Variants in RYR2 observed in about 807,000 individuals in gnomAD.
RYR2 encodes the protein cardiac muscle ryanodine receptor-calcium release channel.
Under a neutral mutation model 601.1 loss-of-function variants are expected in RYR2, and 227 were observed. The ratio of observed to expected loss-of-function variants is 0.38; its 90% CI spans 0.34 to 0.42. The LOEUF (loss-of-function observed/expected upper bound fraction) is 0.42, where lower values mean the gene tolerates loss of function less well. RYR2 is among the 10% of genes least tolerant of loss of function. The pLI is 1.00. For synonymous variants in RYR2, 2,223 were observed against 2,175.1 expected (o/e 1.02, Z -0.61); for missense variants, 4,646 against 6,156.5 (o/e 0.75, Z 8.21).
At chr1:237,287,996 C>T (rs998185159) in intron 2 of RYR2, among the ~76,000 whole-genome samples, 1 of 152,160 alleles carries the variant, frequency 6.6e-6, no homozygotes. Context: ...TTTTGTCCCA[C>T]GAGGTGTTCC....
At chr1:237,191,607 T>C (rs1250133487) in intron 1 of RYR2, among the ~76,000 whole-genome samples, 1 of 152,164 alleles carries the variant, frequency 6.6e-6, no homozygotes, top group African/African-American at 2.4e-5. Context: ...GTGTTCCGAT[T>C]GAGGCTGGAT....
chr1:237,828,533 G>C, intron 102 of RYR2, 88 bp downstream of exon 102: 1 of 853,594 alleles, frequency 1.2e-6, no homozygotes, highest in South Asian at 1.9e-5. Context: ...CATGAATGTG[G>C]GAAGGAGGAG....
chr1:237,129,388 A>G (rs1490582794), intron 1 of RYR2, among the ~76,000 whole-genome samples: 2 of 152,210 alleles, frequency 1.3e-5, no homozygotes, highest in African/African-American at 4.8e-5. Context: ...GATGGCTAAT[A>G]ATATGATGAA....
At chr1:237,414,172 C>A (rs1704715468) in intron 10 of RYR2, among the ~76,000 whole-genome samples, 1 of 152,106 alleles carries the variant, frequency 6.6e-6, no homozygotes, top group Non-Finnish European at 1.5e-5. Flanking sequence ...GTGAGTGTGT[C>A]TATTTATATA....
chr1:237,379,254 C>G (rs1348532136), intron 8 of RYR2, among the ~76,000 whole-genome samples: 2 of 152,130 alleles, frequency 1.3e-5, no homozygotes, highest in African/African-American at 2.4e-5. Context: ...TGTACTTCCG[C>G]TACGTATCAG....
intron 2 of RYR2, among the ~76,000 whole-genome samples, chr1:237,318,004 C>T (rs543120944): frequency 3.9e-5 from 6 of 152,110 alleles, no homozygotes; most frequent in Non-Finnish European, 8.8e-5. Context: ...CATATGCCTG[C>T]TGTATTTTTT....
intron 1 of RYR2, among the ~76,000 whole-genome samples, chr1:237,123,823 G>A (rs373339820): frequency 9.9e-5 from 15 of 151,368 alleles, no homozygotes; most frequent in Admixed American, 5.9e-4. Context: ...GCCCGCCACC[G>A]CGCCCGGCTA....
rs1433562852 is a variant in RYR2 at position 237,246,257 on chromosome 1, G to A, written c.49-24240G>A. 3.3e-5 allele frequency among the ~76,000 whole-genome samples: 5 copies of A among 151,204 alleles called. No homozygotes were observed. The South Asian group carries it at 6.3e-4, about 19-fold the overall frequency. On this transcript the variant is annotated intron_variant, in intron 1 of 104. Coordinates refer to ENST00000366574, the MANE Select transcript of RYR2 (RefSeq NM_001035.3). ...ATTACAGGTGCATGCCACCAAGCCC[G>A]GCTAATTTTTGTATTTTTAGTAGAG...
rs758415895 is a variant in RYR2 at position 237,649,998 on chromosome 1, T to C, written c.7634T>C (p.Ile2545Thr). ...FAGTEHHASL[I>T]DSLLHTVYRL... is the part of the protein sequence containing the mutation. ...GGCACAGAGCACCACGCTTCTCTCA[T>C]TGACTCATTACTTCATACTGTGTAT... The change falls in exon 50 of 105, where the codon ATT becomes ACT. Residue 2545 changes from isoleucine to threonine, a missense_variant. Physicochemically the swap from Ile to Thr is moderately conservative, Grantham distance 89. This residue lies in a region of RYR2 where 1,497 missense variants were observed against 1,842.6 expected (regional missense o/e 0.81). Coordinates refer to ENST00000366574, the MANE Select transcript of RYR2 (RefSeq NM_001035.3). 1.2e-6 allele frequency: 2 copies of C among 1,614,024 alleles called. No homozygotes were observed. The highest frequency in any genetic ancestry group is 1.7e-6 in the Non-Finnish European group (2 of 1,179,888).
intron 79 of RYR2, among the ~76,000 whole-genome samples, chr1:237,740,443 A>G (rs926548954): frequency 6.6e-6 from 1 of 152,322 alleles, no homozygotes; most frequent in South Asian, 2.1e-4. Flanking sequence ...AAAACAGTTA[A>G]AATATTTTAT....
In RYR2 at chr1:237,828,365, T is replaced by G. The variant is rs771382501; in HGVS notation, c.14591-16T>G. On this transcript the variant is annotated splice_polypyrimidine_tract_variant and intron_variant, in intron 101 of 104. Transcript: ENST00000366574. ...TTGCTTGATAAAGATTAAATTGTGT[T>G]TTTATTTAACACCAGGTCTAATTAT... The G allele has an allele frequency of 1.3e-6, 2 of 1,527,434 alleles. No individual in the cohort carries two copies. Among genetic ancestry groups the G allele is most frequent in the African/African-American group, 2.7e-5 (2 of 72,746 alleles). The allele number at this position is 1,527,434 out of a possible 1,614,324, so 94.6% of individuals were successfully genotyped here.
At chr1:237,595,464 T>G in intron 33 of RYR2, 34 bp from the exon 34 acceptor site, 1 of 1,598,920 alleles carries the variant, frequency 6.3e-7, no homozygotes, top group Non-Finnish European at 8.5e-7. Context: ...TATCTGTGGT[T>G]GTACAAAGAT....
intron 10 of RYR2, among the ~76,000 whole-genome samples, chr1:237,398,169 A>G (rs1703033842): frequency 6.6e-6 from 1 of 152,206 alleles, no homozygotes. Context: ...CATCATGGCC[A>G]GAACTCAGTT....
intron 1 of RYR2, among the ~76,000 whole-genome samples, chr1:237,139,859 C>T (rs184375177): frequency 8.1e-4 from 124 of 152,324 alleles, no homozygotes; most frequent in Non-Finnish European, 1.3e-3. Context: ...GTGGCTTTGA[C>T]GAAATGGAAT....
intron 2 of RYR2, among the ~76,000 whole-genome samples, chr1:237,295,195 G>C (rs1357346373): frequency 6.6e-6 from 1 of 151,834 alleles, no homozygotes; most frequent in Non-Finnish European, 1.5e-5. Context: ...CTGCACTTCA[G>C]CCTGGGTGAA....
intron 1 of RYR2, among the ~76,000 whole-genome samples, chr1:237,089,973 A>G (rs1368448637): frequency 1.3e-5 from 2 of 152,216 alleles, no homozygotes; most frequent in Non-Finnish European, 2.9e-5. Context: ...ACAGTTCCAC[A>G]TGGCTGGGGA....
In RYR2 at chr1:237,700,480, A is replaced by G. The variant is rs1490452865; in HGVS notation, c.9367+13A>G. 1 of 1,359,060 alleles carries G rather than the reference A, an allele frequency of 7.4e-7. No individual in the cohort carries two copies. The highest frequency in any genetic ancestry group is 1.0e-6 in the Non-Finnish European group (1 of 973,794). 84.2% of individuals were successfully genotyped at this position (1,359,060 alleles called of 1,614,324 possible). A position where few individuals can be genotyped will look rare whatever the true frequency, so the allele number is the denominator to read the frequency against. ...GAAGACCTAATATGTATGTAAATTT[A>G]TATCTTGGAGTTTTTTTTTTTTTAA... On this transcript the variant is annotated intron_variant, in intron 65 of 104. Transcript: ENST00000366574.
At chr1:237,116,875 G>A (rs1052102775) in intron 1 of RYR2, among the ~76,000 whole-genome samples, 1 of 152,140 alleles carries the variant, frequency 6.6e-6, no homozygotes, top group African/African-American at 2.4e-5. Flanking sequence ...CCCACATTAG[G>A]TAGGGCAGTC....
Position 237,700,278 on chromosome 1 carries a change from T to A in RYR2, c.9178T>A (p.Phe3060Ile). ...LESVKSALRAFLDNAAEDLEK... is the reference protein window; with the variant it reads ...LESVKSALRAILDNAAEDLEK... ...GAGTGTTAAAAGTGCACTCAGAGCTTTTCTGGACAACGCTGCAGAGGATCT... is the reference window on the plus strand; with the variant it reads ...GAGTGTTAAAAGTGCACTCAGAGCTATTCTGGACAACGCTGCAGAGGATCT... The change falls in exon 65 of 105, where the codon TTT (phenylalanine) becomes ATT (isoleucine). Residue 3060 changes from phenylalanine to isoleucine, a missense_variant. Phe to Ile is a conservative substitution (Grantham distance 21). This residue lies in a region of RYR2 where 1,497 missense variants were observed against 1,842.6 expected (regional missense o/e 0.81). Coordinates refer to ENST00000366574, the MANE Select transcript of RYR2 (RefSeq NM_001035.3). The A allele has an allele frequency of 6.3e-7, 1 of 1,585,974 alleles. No homozygotes were observed. The highest frequency in any genetic ancestry group is 8.6e-7 in the Non-Finnish European group (1 of 1,165,124).
Sources: allele counts gnomAD v4.1 joint callset (sites outside exome capture counted in the v4.1 genomes callset), GRCh38; gene constraint gnomAD v4.1.1; regional missense constraint gnomAD v4.1.1; transcripts MANE v1.5; gene names NCBI Gene and HGNC (gene_info 2026-07-23, HGNC 2026-07-21).